PTCHD4: variants seen among roughly 807,000 people sequenced by gnomAD.
PTCHD4 encodes the protein patched domain containing 4, also known as patched domain-containing protein 4.
PTCHD4 carries 33 observed loss-of-function variants against 58.1 expected under a neutral mutation model. The ratio of observed to expected loss-of-function variants is 0.57; its 90% CI spans 0.43 to 0.76. The LOEUF is 0.76. Ranked by LOEUF, PTCHD4 falls within the 30% of genes least tolerant of loss-of-function variation. PTCHD4 has a pLI of 0.00. For missense variants in PTCHD4, 1,058 were observed against 1,027.1 expected (o/e 1.03, Z -0.41); for synonymous variants, 478 against 409.6 (o/e 1.17, Z -2.02).
At position 48,017,964 on chromosome 6, in the gene PTCHD4, T is replaced by C. The variant is rs72869921; in HGVS notation, c.418-8850A>G. ...AGCTCCCTGTGTGTCAGTTTTATTATTGGTTAAAATGAGAATTATATAGGC... is the reference window on the plus strand; with the variant it reads ...AGCTCCCTGTGTGTCAGTTTTATTACTGGTTAAAATGAGAATTATATAGGC... On this transcript the variant is annotated intron_variant, in intron 3 of 4. Transcript: ENST00000339488. Among the ~76,000 whole-genome samples, 1,002 of 152,310 alleles carry C rather than the reference T, an allele frequency of 6.6e-3. 12 individuals are homozygous for C. Among genetic ancestry groups the C allele is most frequent in the Non-Finnish European group, 0.01 (698 of 68,032 alleles).
chr6:48,039,835 A>T (rs925511229), intron 3 of PTCHD4, among the ~76,000 whole-genome samples: 1 of 152,144 alleles, frequency 6.6e-6, no homozygotes, highest in Non-Finnish European at 1.5e-5. Context: ...AAGGACTCAG[A>T]TGAATATGTG....
chr6:48,000,804 G>T (rs959836516), intron 4 of PTCHD4, among the ~76,000 whole-genome samples: 10 of 152,108 alleles, frequency 6.6e-5, no homozygotes, highest in Admixed American at 5.2e-4. Flanking sequence ...CTACTCAGTG[G>T]CATTGCTTCT....
intron 3 of PTCHD4, among the ~76,000 whole-genome samples, chr6:48,037,403 C>T (rs758174854): frequency 3.9e-5 from 6 of 152,086 alleles, no homozygotes; most frequent in Non-Finnish European, 5.9e-5. Flanking sequence ...TGTGGATAAG[C>T]GGGAACTACT....
At chr6:48,077,265 A>G (rs542897792) in intron 1 of PTCHD4, among the ~76,000 whole-genome samples, 88 of 152,354 alleles carry the variant, frequency 5.8e-4, no homozygotes, top group African/African-American at 2.1e-3. Context: ...ATGTGGCACC[A>G]GACATATCTG....
intron 4 of PTCHD4, among the ~76,000 whole-genome samples, chr6:47,937,865 T>C (rs1338597586): frequency 6.6e-6 from 1 of 151,838 alleles, no homozygotes; most frequent in East Asian, 1.9e-4. Context: ...GTAAAGAAAA[T>C]ATTTTGGCTG....
intron 4 of PTCHD4, among the ~76,000 whole-genome samples, chr6:47,925,119 T>G (rs1176853414): frequency 6.7e-6 from 1 of 150,316 alleles, no homozygotes; most frequent in African/African-American, 2.4e-5. Flanking sequence ...TATGTATACA[T>G]TTTATATATG....
intron 1 of PTCHD4, among the ~76,000 whole-genome samples, chr6:48,100,135 G>A (rs1765570056): frequency 3.9e-5 from 6 of 152,164 alleles, no homozygotes; most frequent in Admixed American, 3.9e-4. Flanking sequence ...ATGGTAGGTG[G>A]ATGTGAGTGG....
At chr6:48,007,911 T>C (rs1762512653) in intron 4 of PTCHD4, among the ~76,000 whole-genome samples, 1 of 146,598 alleles carries the variant, frequency 6.8e-6, no homozygotes, top group South Asian at 2.2e-4. Context: ...TTTGATCTTC[T>C]CTTTGAAAGA....
chr6:48,059,484 C>G (rs9463367), intron 3 of PTCHD4, among the ~76,000 whole-genome samples: 39 of 151,834 alleles, frequency 2.6e-4, no homozygotes, highest in African/African-American at 8.7e-4. Context: ...ACTAAAAATA[C>G]AAAAATTAGC....
chr6:47,906,057 A>T (rs1022883261), intron 4 of PTCHD4, among the ~76,000 whole-genome samples: 1 of 152,204 alleles, frequency 6.6e-6, no homozygotes, highest in Non-Finnish European at 1.5e-5. Context: ...AAGAATAAGA[A>T]ATGAAGATTC....
chr6:47,977,234 T>C (rs569940098), intron 4 of PTCHD4, among the ~76,000 whole-genome samples: 66 of 152,314 alleles, frequency 4.3e-4, no homozygotes, highest in African/African-American at 1.4e-3. Context: ...TCTTTTGTAA[T>C]CCACTGCCCT....
At chr6:48,081,274 C>T (rs969124893) in intron 1 of PTCHD4, among the ~76,000 whole-genome samples, 3 of 152,280 alleles carry the variant, frequency 2.0e-5, no homozygotes, top group Middle Eastern at 3.4e-3. Context: ...AGCATACCTC[C>T]TGAATTCACT....
chr6:47,930,075 A>T (rs1054457177), intron 4 of PTCHD4, among the ~76,000 whole-genome samples: 1 of 152,184 alleles, frequency 6.6e-6, no homozygotes, highest in African/African-American at 2.4e-5. Context: ...CCTTTGGTTA[A>T]AGCTGGGTCA....
intron 4 of PTCHD4, among the ~76,000 whole-genome samples, chr6:47,899,277 C>CT (rs1764624060): frequency 6.6e-6 from 1 of 152,166 alleles, no homozygotes; most frequent in African/African-American, 2.4e-5. Flanking sequence ...TCTGATGTCT[C>CT]TTTTTTCCCA....
intron 4 of PTCHD4, among the ~76,000 whole-genome samples, chr6:47,911,129 A>G (rs1765054290): frequency 2.6e-5 from 4 of 152,130 alleles, no homozygotes. Flanking sequence ...ATATATTCCC[A>G]AAGGTTCCTT....
rs1267119790 is a variant in PTCHD4 at position 47,878,265 on chromosome 6, A to G, written c.*38T>C. The G allele has an allele frequency of 6.6e-7, 1 of 1,523,428 alleles. No homozygotes were observed. The highest frequency in any genetic ancestry group is 2.1e-5 in the Admixed American group (1 of 47,364). The allele number at this position is 1,523,428 out of a possible 1,614,324, so 94.4% of individuals were successfully genotyped here. A position where few individuals can be genotyped will look rare whatever the true frequency, so the allele number is the denominator to read the frequency against. ...TTTACTTGCCCTGCATCATTGTGCA[A>G]TACTGGAAAAGAAAAATAATCCACT... is the stretch of plus-strand genomic sequence containing the variant. On this transcript the variant is annotated 3_prime_UTR_variant, in exon 5 of 5. Coordinates refer to ENST00000339488, the MANE Select transcript of PTCHD4 (RefSeq NM_001384253.1).
intron 3 of PTCHD4, among the ~76,000 whole-genome samples, chr6:48,016,211 G>A (rs919140024): frequency 9.9e-5 from 15 of 152,104 alleles, no homozygotes; most frequent in African/African-American, 3.4e-4. Context: ...GCAAAAGCCA[G>A]CGTAAGATGC....
At chr6:47,894,044 CAGG>C (rs1311290302) in intron 4 of PTCHD4, among the ~76,000 whole-genome samples, 2 of 152,208 alleles carry the variant, frequency 1.3e-5, no homozygotes, top group Admixed American at 1.3e-4. Flanking sequence ...CATTCACACT[CAGG>C]AGGAGAACAC....
At chr6:48,004,618 A>G (rs1562001371) in intron 4 of PTCHD4, among the ~76,000 whole-genome samples, 1 of 152,138 alleles carries the variant, frequency 6.6e-6, no homozygotes, top group African/African-American at 2.4e-5. Flanking sequence ...CCTTTCAAGT[A>G]TTTTTTTAAA....
Sources: gnomAD v4.1 joint callset for allele counts (sites outside exome capture counted in the v4.1 genomes callset) on GRCh38, gnomAD v4.1.1 for gene constraint, MANE v1.5 for transcripts, NCBI Gene and HGNC (gene_info 2026-07-23, HGNC 2026-07-21) for gene names.